Variants in MIPEP observed in about 807,000 individuals in gnomAD.
MIPEP encodes mitochondrial intermediate peptidase.
MIPEP carries 79 observed loss-of-function variants against 90.3 expected under a neutral mutation model. The ratio of observed to expected loss-of-function variants is 0.87; its 90% CI spans 0.73 to 1.05. The LOEUF (loss-of-function observed/expected upper bound fraction) is 1.05. Ranked by LOEUF, MIPEP falls within the 50% of genes least tolerant of loss-of-function variation. The probability of loss-of-function intolerance (pLI) is 0.00; values close to 1 mark genes in which losing one functional copy is unlikely to be tolerated. For synonymous variants in MIPEP, 334 were observed against 315.8 expected (o/e 1.06, Z -0.61); for missense variants, 940 against 905.6 (o/e 1.04, Z -0.49).
chr13:23,787,659 T>C (rs942521096), intron 16 of MIPEP, among the ~76,000 whole-genome samples: 3 of 152,152 alleles, frequency 2.0e-5, no homozygotes, highest in African/African-American at 4.8e-5. Flanking sequence ...TTCCAGGGAG[T>C]GCTCTGCAGT....
chr13:23,754,743 A>G (rs1002242744), intron 18 of MIPEP, among the ~76,000 whole-genome samples: 2 of 152,220 alleles, frequency 1.3e-5, no homozygotes, highest in African/African-American at 2.4e-5. Flanking sequence ...TGCCAGGAAC[A>G]CACACCTCAC....
In MIPEP at chr13:23,825,709, C is replaced by T. The variant is rs77091356; in HGVS notation, c.1653+10531G>A. On this transcript the variant is annotated intron_variant, in intron 14 of 18. Coordinates refer to ENST00000382172, the MANE Select transcript of MIPEP (RefSeq NM_005932.4). The stretch of plus-strand genomic sequence containing the variant: ...TAAGGTGAAACTAATAGATCTATTG[C>T]CCCCCTCATTATTATTGTGTGATCT... 7.7e-3 allele frequency among the ~76,000 whole-genome samples: 1,165 copies of T among 152,144 alleles called. 19 individuals carry two copies. Among genetic ancestry groups the T allele is most frequent in the African/African-American group, 0.025 (1,049 of 41,520 alleles).
rs1408390491 is a variant in MIPEP at position 23,887,869 on chromosome 13, G to A, written c.189+1263C>T. Among the ~76,000 whole-genome samples the A allele has an allele frequency of 5.3e-5, 8 of 152,264 alleles. No homozygotes were observed. In the South Asian group the frequency reaches 6.2e-4, roughly 12 times the overall value. On this transcript the variant is annotated intron_variant, in intron 1 of 18. Coordinates refer to ENST00000382172, the MANE Select transcript of MIPEP (RefSeq NM_005932.4). ...AAATAAAATAAAAGAAAGTCAGTGGGAGACAAAGGAAAATCAGGACCAAAA... is the reference window on the plus strand; with the variant it reads ...AAATAAAATAAAAGAAAGTCAGTGGAAGACAAAGGAAAATCAGGACCAAAA...
At chr13:23,766,058 T>C (rs1281770113) in intron 16 of MIPEP, 1 of 152,250 alleles carries the variant, frequency 6.6e-6, no homozygotes, top group Non-Finnish European at 1.5e-5. Context: ...ATTTCAGAAG[T>C]ATTTTTCTTC....
intron 16 of MIPEP, among the ~76,000 whole-genome samples, chr13:23,791,652 C>G (rs555573513): frequency 1.3e-5 from 2 of 152,284 alleles, no homozygotes; most frequent in Non-Finnish European, 2.9e-5. Flanking sequence ...ATAGATCTTT[C>G]CCATTCACTT....
intron 10 of MIPEP, among the ~76,000 whole-genome samples, chr13:23,848,848 G>A (rs1201921922): frequency 6.6e-6 from 1 of 152,178 alleles, no homozygotes; most frequent in Non-Finnish European, 1.5e-5. Flanking sequence ...ACCAAATGCA[G>A]GCTACTTCCT....
chr13:23,761,569 C>T (rs144277820), intron 16 of MIPEP, among the ~76,000 whole-genome samples: 116 of 152,250 alleles, frequency 7.6e-4, no homozygotes, highest in African/African-American at 2.1e-3. Flanking sequence ...TCTTTTCCTA[C>T]GAATACTGCT....
intron 14 of MIPEP, among the ~76,000 whole-genome samples, chr13:23,821,505 G>T (rs184762598): frequency 3.9e-5 from 6 of 152,260 alleles, no homozygotes; most frequent in Non-Finnish European, 8.8e-5. Context: ...AAAAGCAGGT[G>T]AGACCTGTCA....
chr13:23,867,287 G>A (rs1466720306), intron 7 of MIPEP, among the ~76,000 whole-genome samples: 5 of 152,042 alleles, frequency 3.3e-5, no homozygotes, highest in South Asian at 2.1e-4. Flanking sequence ...CTCCTCAAAC[G>A]TGGCAGGCAT....
At chr13:23,754,346 G>A (rs567248346) in intron 18 of MIPEP, among the ~76,000 whole-genome samples, 6 of 152,280 alleles carry the variant, frequency 3.9e-5, no homozygotes, top group African/African-American at 1.2e-4. Flanking sequence ...ATTCATCTCT[G>A]ACATGAAACA....
intron 14 of MIPEP, among the ~76,000 whole-genome samples, chr13:23,831,423 G>T (rs1257376706): frequency 3.4e-5 from 5 of 146,318 alleles, no homozygotes; most frequent in African/African-American, 1.3e-4. Context: ...ACTGCATTTT[G>T]TGTTGCTATA....
chr13:23,784,459 C>T (rs1423991717), intron 16 of MIPEP, among the ~76,000 whole-genome samples: 1 of 151,804 alleles, frequency 6.6e-6, no homozygotes, highest in African/African-American at 2.4e-5. Context: ...AACTGGATCC[C>T]TTCCTTACAC....
At chr13:23,760,557 G>A (rs2138516800) in intron 16 of MIPEP, 1 of 549,488 alleles carries the variant, frequency 1.8e-6, no homozygotes, top group Middle Eastern at 3.1e-4. Flanking sequence ...AGGAGGAAAG[G>A]TGGATGCCAG....
At chr13:23,804,876 A>G (rs1953089124) in intron 16 of MIPEP, among the ~76,000 whole-genome samples, 1 of 152,188 alleles carries the variant, frequency 6.6e-6, no homozygotes, top group African/African-American at 2.4e-5. Flanking sequence ...AAACACTTTC[A>G]AGTTAGCTCT....
chr13:23,799,958 A>G (rs2137390507), intron 16 of MIPEP, among the ~76,000 whole-genome samples: 1 of 152,336 alleles, frequency 6.6e-6, no homozygotes, highest in African/African-American at 2.4e-5. Context: ...TAGAGTGCTC[A>G]GAACTTTCTT....
At chr13:23,834,539 T>G (rs1385271499) in intron 14 of MIPEP, among the ~76,000 whole-genome samples, 25 of 152,252 alleles carry the variant, frequency 1.6e-4, no homozygotes. Context: ...ATGCTGAGAA[T>G]GCAGACTGGT....
intron 16 of MIPEP, among the ~76,000 whole-genome samples, chr13:23,798,091 CACAT>C (rs1952983547): frequency 6.6e-6 from 1 of 152,158 alleles, no homozygotes; most frequent in Admixed American, 6.5e-5. Flanking sequence ...AAAAAGATAA[CACAT>C]ACATATACAT....
At chr13:23,734,075 A>C (rs1213434475) in intron 18 of MIPEP, among the ~76,000 whole-genome samples, 1 of 152,226 alleles carries the variant, frequency 6.6e-6, no homozygotes, top group Non-Finnish European at 1.5e-5. Context: ...CTGATTATAA[A>C]TCAGGTTTCA....
At chr13:23,733,090 G>A (rs747084928) in intron 18 of MIPEP, among the ~76,000 whole-genome samples, 46 of 152,184 alleles carry the variant, frequency 3.0e-4, no homozygotes, top group Non-Finnish European at 5.6e-4. Context: ...GTATATGAGT[G>A]TTGTACTGTT....
Sources: gnomAD v4.1 joint callset for allele counts (sites outside exome capture counted in the v4.1 genomes callset) on GRCh38, gnomAD v4.1.1 for gene constraint, MANE v1.5 for transcripts, NCBI Gene and HGNC (gene_info 2026-07-23, HGNC 2026-07-21) for gene names.